The following CCSER2 variants were observed in gnomAD, a reference collection of about 807,000 sequenced individuals.
CCSER2 encodes the protein serine-rich coiled-coil domain-containing protein 2.
Under a neutral mutation model 92.3 loss-of-function variants are expected in CCSER2, and 46 were observed. The observed-to-expected ratio is 0.50, with a 90% CI of 0.39 to 0.64. CCSER2 has a LOEUF of 0.64. Ranked by LOEUF, CCSER2 falls within the 30% of genes least tolerant of loss-of-function variation. CCSER2 has a pLI of 0.00. For synonymous variants in CCSER2, 433 were observed against 431.4 expected, an observed-to-expected ratio of 1.00 and a Z score of -0.04; for missense variants, 1,244 against 1,238.9, an observed-to-expected ratio of 1.00 and a Z score of -0.06.
chr10:84,442,082 CA>C, intron 6 of CCSER2, among the ~76,000 whole-genome samples: 1 of 152,148 alleles, frequency 6.6e-6, no homozygotes, highest in South Asian at 2.1e-4. Flanking sequence ...CACAGACTTT[CA>C]ATTCATTCCC....
At chr10:84,351,034 C>T (rs1185397209) in intron 1 of CCSER2, among the ~76,000 whole-genome samples, 2 of 152,014 alleles carry the variant, frequency 1.3e-5, no homozygotes, top group Non-Finnish European at 2.9e-5. Flanking sequence ...TATTGTAGCC[C>T]TTAAAATAAC....
chr10:84,372,247 T>G lies in CCSER2; in HGVS notation c.1195T>G (p.Leu399Val), dbSNP rs1174072503. The G allele has an allele frequency of 3.1e-6, 5 of 1,612,894 alleles. No individual in the cohort carries two copies. In the African/African-American group the frequency reaches 6.7e-5, roughly 22 times the overall value. Residue 399 changes from leucine (L) to valine (V), a missense_variant, in exon 2 of 10, where the codon TTG becomes GTG. Coordinates refer to ENST00000372088, the MANE Select transcript of CCSER2 (RefSeq NM_001284240.2). ...YLSDDVDDISLSSLSSSDKND... is the reference protein window; with the variant it reads ...YLSDDVDDISVSSLSSSDKND... ...GAGTGATGATGTGGATGACATTTCC[T>G]TGTCGTCTTTGTCATCTTCTGATAA...
chr10:84,460,099 T>G (rs1321351699), intron 6 of CCSER2, among the ~76,000 whole-genome samples: 1 of 145,634 alleles, frequency 6.9e-6, no homozygotes, highest in African/African-American at 2.5e-5. Flanking sequence ...TTTTTTTTTT[T>G]TTTTTTTTGA....
At chr10:84,446,518 G>T (rs1000603991) in intron 6 of CCSER2, among the ~76,000 whole-genome samples, 7 of 152,034 alleles carry the variant, frequency 4.6e-5, no homozygotes, top group Admixed American at 1.3e-4. Flanking sequence ...ATTTCCACTT[G>T]GTAGCAAAGA....
At chr10:84,352,596 C>T (rs1295363244) in intron 1 of CCSER2, among the ~76,000 whole-genome samples, 4 of 151,878 alleles carry the variant, frequency 2.6e-5, no homozygotes. Flanking sequence ...CTATCACCAC[C>T]ACCACCACTG....
chr10:84,395,014 A>G (rs978114532), intron 3 of CCSER2, among the ~76,000 whole-genome samples: 21 of 152,066 alleles, frequency 1.4e-4, no homozygotes, highest in Non-Finnish European at 1.5e-5. Context: ...GCTTGAGCCC[A>G]GGAATTTGAG....
intron 4 of CCSER2, among the ~76,000 whole-genome samples, chr10:84,419,121 T>G (rs1461190602): frequency 6.6e-6 from 1 of 152,118 alleles, no homozygotes; most frequent in African/African-American, 2.4e-5. Flanking sequence ...AAGAGGGGAA[T>G]CTACACTTGA....
chr10:84,404,229 G>A (rs1328050209), intron 3 of CCSER2, among the ~76,000 whole-genome samples: 1 of 152,122 alleles, frequency 6.6e-6, no homozygotes, highest in Non-Finnish European at 1.5e-5. Flanking sequence ...TTGATCCTCA[G>A]TATCAAATGA....
At chr10:84,423,982 TAAAAAAAA>T (rs3044102) in intron 4 of CCSER2, among the ~76,000 whole-genome samples, 1 of 108,178 alleles carries the variant, frequency 9.2e-6, no homozygotes, top group African/African-American at 3.7e-5. Context: ...CCCCATCTCT[TAAAAAAAA>T]AAAAAAAAAA....
chr10:84,389,279 G>A (rs12772524), intron 3 of CCSER2: 33,737 of 514,048 alleles, frequency 0.066, 1,473 homozygotes, highest in Admixed American at 0.13. Context: ...CTCTTTAATC[G>A]TTCCAGAGAG....
intron 1 of CCSER2, among the ~76,000 whole-genome samples, chr10:84,364,889 G>A (rs1056007545): frequency 6.6e-6 from 1 of 151,572 alleles, no homozygotes. Context: ...TTACAGGTGT[G>A]TGCCACCATG....
chr10:84,411,828 A>G (rs1338376572), intron 3 of CCSER2, among the ~76,000 whole-genome samples: 3 of 152,252 alleles, frequency 2.0e-5, no homozygotes, highest in Non-Finnish European at 2.9e-5. Flanking sequence ...TGCCCTGGCC[A>G]GAACTTCCAG....
rs746919903 is a variant in CCSER2 at position 84,372,187 on chromosome 10, C to A, written c.1135C>A (p.Gln379Lys). The A allele has an allele frequency of 2.5e-6, 4 of 1,613,544 alleles. No homozygotes were observed. In the South Asian group the frequency reaches 4.4e-5, roughly 18 times the overall value. ...TGAAAGTTATAGAACAAAAAACAAC[C>A]AGACCATGAAACATGATGCTAAAAT... ...ENESYRTKNN[Q>K]TMKHDAKMRY... Residue 379 changes from glutamine to lysine, a missense_variant, in exon 2 of 10, where the codon CAG (glutamine) becomes AAG (lysine). Coordinates refer to ENST00000372088, the MANE Select transcript of CCSER2 (RefSeq NM_001284240.2).
At position 84,371,485 on chromosome 10, in the gene CCSER2, G is replaced by A. The variant is rs771384564; in HGVS notation, c.433G>A (p.Gly145Arg). ...TEELNQKSFS[G>R]PSNLGKFTKG... ...GGAGTTAAACCAAAAGTCTTTTTCT[G>A]GACCATCTAATTTGGGTAAATTCAC... The change falls in exon 2 of 10, where the codon GGA (glycine) becomes AGA (arginine). Residue 145 changes from glycine to arginine, a missense_variant. By Grantham distance (125) the Gly-to-Arg change is moderately radical. Coordinates refer to ENST00000372088, the MANE Select transcript of CCSER2 (RefSeq NM_001284240.2). 1.2e-6 allele frequency: 2 copies of A among 1,613,680 alleles called. No homozygotes were observed. Among genetic ancestry groups the A allele is most frequent in the African/African-American group, 1.3e-5 (1 of 74,868 alleles).
chr10:84,391,371 G>A, intron 3 of CCSER2: 2 of 1,454,132 alleles, frequency 1.4e-6, no homozygotes, highest in South Asian at 2.3e-5. Flanking sequence ...GTAGCCCAAA[G>A]TAACATCCTA....
At chr10:84,394,490 A>C (rs1490338790) in intron 3 of CCSER2, among the ~76,000 whole-genome samples, 1 of 151,530 alleles carries the variant, frequency 6.6e-6, no homozygotes, top group Non-Finnish European at 1.5e-5. Flanking sequence ...AATGAATGCA[A>C]GTTTTACCAG....
chr10:84,363,032 A>T (rs190476302), intron 1 of CCSER2, among the ~76,000 whole-genome samples: 189 of 149,718 alleles, frequency 1.3e-3, no homozygotes, highest in African/African-American at 4.5e-3. Flanking sequence ...TTTTTAGTAG[A>T]GATGGGGTTT....
chr10:84,425,778 C>A lies in CCSER2; in HGVS notation c.1753C>A (p.Arg585=). 6.2e-7 allele frequency: 1 copy of A among 1,613,490 alleles called. No homozygotes were observed. The highest frequency in any genetic ancestry group is 8.5e-7 in the Non-Finnish European group (1 of 1,179,654). ...CTTTGACCGACCAGACAGAAATGTT[C>A]GGCAGCCTCAGGAAGGTTTTTGGAA... is the stretch of plus-strand genomic sequence containing the variant. ...NRFDRPDRNV[R]QPQEGFWKRP... The change falls in exon 5 of 10, where the codon CGG becomes AGG. Residue 585 remains arginine, a synonymous_variant. Coordinates refer to ENST00000372088, the MANE Select transcript of CCSER2 (RefSeq NM_001284240.2).
intron 1 of CCSER2, among the ~76,000 whole-genome samples, chr10:84,367,462 A>G (rs4934008): frequency 0.21 from 31,756 of 151,212 alleles, 3,579 homozygotes; most frequent in Admixed American, 0.34. Context: ...CTGCAGCCTC[A>G]ACCTCGTGGG....
Sources: allele counts gnomAD v4.1 joint callset (sites outside exome capture counted in the v4.1 genomes callset), GRCh38; gene constraint gnomAD v4.1.1; transcripts MANE v1.5; gene names NCBI Gene and HGNC (gene_info 2026-07-23, HGNC 2026-07-21).